Variants in TRMT44 observed in about 807,000 individuals in gnomAD.
The protein encoded by TRMT44 is probable tRNA (uracil-O(2)-)-methyltransferase.
TRMT44 carries 78 observed loss-of-function variants against 77.3 expected under a neutral mutation model. That is an observed-to-expected ratio of 1.01 (90% CI 0.84 to 1.22). TRMT44 has a LOEUF of 1.22. TRMT44 is among the 50% of genes most tolerant of loss of function. The pLI, the probability that TRMT44 is intolerant of heterozygous loss-of-function variation, is 0.00. For synonymous variants in TRMT44, 391 were observed against 383.3 expected, an observed-to-expected ratio of 1.02 and a Z score of -0.23; for missense variants, 1,090 against 964.4, an observed-to-expected ratio of 1.13 and a Z score of -1.73.
the TRMT44 span, among the ~76,000 whole-genome samples, chr4:8,513,522 G>A: frequency 5.9e-5 from 9 of 152,248 alleles, no homozygotes; most frequent in African/African-American, 2.2e-4. Flanking sequence ...AATCATAAAG[G>A]TGAAAATGGA....
downstream of TRMT44, among the ~76,000 whole-genome samples, chr4:8,494,050 ACAC>A (rs75949681): frequency 0.027 from 4,097 of 150,358 alleles, 70 homozygotes; most frequent in South Asian, 0.04. Flanking sequence ...GATGCAGAAA[ACAC>A]CAGGTGTGTG....
chr4:8,479,946 C>T (rs560506345), downstream of TRMT44, among the ~76,000 whole-genome samples: 8 of 152,178 alleles, frequency 5.3e-5, no homozygotes, highest in Non-Finnish European at 8.8e-5. Context: ...GGCGCCATCT[C>T]GGCTCACTAC....
At chr4:8,481,366 T>C (rs1727607913), downstream of TRMT44, among the ~76,000 whole-genome samples, 2 of 152,262 alleles carry the variant, frequency 1.3e-5, no homozygotes, top group Non-Finnish European at 2.9e-5. Context: ...CCCGACCACC[T>C]TGGGCACATG....
chr4:8,469,872 C>T (rs940463629), intron 9 of TRMT44, among the ~76,000 whole-genome samples: 3 of 152,240 alleles, frequency 2.0e-5, no homozygotes, highest in African/African-American at 7.2e-5. Context: ...GCCTGTGGGC[C>T]ATGTGTGGCT....
At chr4:8,491,464 G>A (rs920351199) in intron 2 of TRMT44, among the ~76,000 whole-genome samples, 1 of 152,248 alleles carries the variant, frequency 6.6e-6, no homozygotes, top group African/African-American at 2.4e-5. Context: ...GCAGGGGGTG[G>A]TGCTCGTCGG....
chr4:8,445,404 C>G (rs1280291068), intron 1 of TRMT44, among the ~76,000 whole-genome samples: 4 of 152,256 alleles, frequency 2.6e-5, no homozygotes, highest in Non-Finnish European at 5.9e-5. Context: ...CTGCAAGGCC[C>G]TATGTGACCT....
At position 8,444,243 on chromosome 4, in the gene TRMT44, AT is replaced by A. The variant is rs1314007755; in HGVS notation, c.620-2232del. Reference sequence around the variant, plus strand: ...AATCAAAACAATGGAACTCGTGGACATAGAGAGTGGAAGGATGGTTACCAGA... The same window carrying A: ...AATCAAAACAATGGAACTCGTGGACAAGAGAGTGGAAGGATGGTTACCAGA... On this transcript the variant is annotated intron_variant, in intron 1 of 10. Transcript: ENST00000389737. The surrounding 1 kb of genome is among the most constrained non-coding windows in gnomAD (Gnocchi z 4.0). Among the ~76,000 whole-genome samples the A allele has an allele frequency of 6.6e-6, 1 of 151,776 alleles. No individual in the cohort carries two copies. Among genetic ancestry groups the A allele is most frequent in the Non-Finnish European group, 1.5e-5 (1 of 67,924 alleles).
At chr4:8,516,170 G>C in the TRMT44 span, among the ~76,000 whole-genome samples, 13 of 152,236 alleles carry the variant, frequency 8.5e-5, no homozygotes, top group Non-Finnish European at 1.3e-4. Context: ...GGGTGGCCAC[G>C]CTCCAACCCA....
At chr4:8,449,526 C>A in intron 2 of TRMT44, 143 bp from the exon 3 acceptor site, 1 of 620,630 alleles carries the variant, frequency 1.6e-6, no homozygotes, top group African/African-American at 1.8e-5. Context: ...GATGAAAGTT[C>A]TGTAACTAGT....
chr4:8,454,925 A>G, intron 6 of TRMT44, 112 bp downstream of exon 6: 1 of 929,556 alleles, frequency 1.1e-6, no homozygotes, highest in Admixed American at 2.1e-5. Context: ...CTGATAGTAA[A>G]CCTTCACATT....
rs895366551 is a variant in TRMT44 at position 8,451,358 on chromosome 4, A to G, written c.955-602A>G. 6.6e-6 allele frequency among the ~76,000 whole-genome samples: 1 copy of G among 152,228 alleles called. No homozygotes were observed. The highest frequency in any genetic ancestry group is 2.4e-5 in the African/African-American group (1 of 41,448). On this transcript the variant is annotated intron_variant, in intron 3 of 10. Coordinates refer to ENST00000389737, the MANE Select transcript of TRMT44 (RefSeq NM_152544.3). The surrounding 1 kb of genome is among the most constrained non-coding windows in gnomAD (Gnocchi z 4.1). ...CGCTGTGACTGGAAATAGAAATTTC[A>G]ACTTTTAACATTGGCCATTGGTTTT...
chr4:8,467,264 G>A (rs1328799433), intron 8 of TRMT44, among the ~76,000 whole-genome samples: 3 of 151,798 alleles, frequency 2.0e-5, no homozygotes, highest in African/African-American at 7.3e-5. Flanking sequence ...ATGTGCCCCC[G>A]CCGGGCGGCC....
Position 8,452,676 on chromosome 4 carries a change from G to T in TRMT44, c.1024-206G>T, listed in dbSNP as rs537168250. Among the ~76,000 whole-genome samples, 44 of 152,114 alleles carry T rather than the reference G, an allele frequency of 2.9e-4. No individual in the cohort carries two copies. The highest frequency in any genetic ancestry group is 1.1e-3 in the African/African-American group (44 of 41,490). On this transcript the variant is annotated intron_variant, in intron 4 of 10. Transcript: ENST00000389737. The surrounding 1 kb of genome is among the most constrained non-coding windows in gnomAD (Gnocchi z 5.7). ...TTGAACCCAGGAGGCGGAGGTTGCA[G>T]TGACCAGAGATTGCATCATTGCACT...
chr4:8,500,159 A>G, the TRMT44 span, among the ~76,000 whole-genome samples: 3 of 152,148 alleles, frequency 2.0e-5, no homozygotes, highest in South Asian at 6.2e-4. Context: ...TGAGCCTAGG[A>G]GTTCCAGCCT....
rs373056563 is a variant in TRMT44 at position 8,467,442 on chromosome 4, T to C, written c.1495-472T>C. On this transcript the variant is annotated intron_variant, in intron 8 of 10. Transcript: ENST00000389737. ...CTTACTGTTTTTTTAATTTTTAAGT[T>C]ACTTATATTGGTGTCAGTTTTTATT... Among the ~76,000 whole-genome samples the C allele has an allele frequency of 1.1e-4, 16 of 152,332 alleles. No individual in the cohort carries two copies. The East Asian group carries it at 2.9e-3, about 28-fold the overall frequency.
At chr4:8,442,158 C>A (rs759293495) in intron 1 of TRMT44, among the ~76,000 whole-genome samples, 16 of 152,328 alleles carry the variant, frequency 1.1e-4, no homozygotes, top group South Asian at 4.1e-4. Flanking sequence ...TCGCCCAGAG[C>A]ATGGGAACAT....
chr4:8,514,133 G>A, the TRMT44 span, among the ~76,000 whole-genome samples: 130 of 152,222 alleles, frequency 8.5e-4, no homozygotes, highest in African/African-American at 3.0e-3. Flanking sequence ...TGTTCCACAC[G>A]TGCAACAGAA....
the TRMT44 span, among the ~76,000 whole-genome samples, chr4:8,499,039 G>A: frequency 6.6e-6 from 1 of 151,998 alleles, no homozygotes; most frequent in Non-Finnish European, 1.5e-5. Context: ...TGCAGCAGGG[G>A]CAGATACAGC....
chr4:8,510,139 C>T, the TRMT44 span: 1 of 152,672 alleles, frequency 6.5e-6, no homozygotes, highest in Admixed American at 6.5e-5. Flanking sequence ...TGGGAATGTC[C>T]AGACACGTGA....
Sources: allele counts gnomAD v4.1 joint callset (sites outside exome capture counted in the v4.1 genomes callset), GRCh38; gene constraint gnomAD v4.1.1; non-coding constraint Gnocchi (gnomAD v3.1); transcripts MANE v1.5; gene names NCBI Gene and HGNC (gene_info 2026-07-23, HGNC 2026-07-21).